The following CDC42BPB variants were observed in gnomAD, a reference collection of about 807,000 sequenced individuals.
The protein encoded by CDC42BPB is serine/threonine-protein kinase MRCK beta.
A neutral mutation model predicts 214.9 loss-of-function variants in CDC42BPB; 37 were observed. The ratio of observed to expected loss-of-function variants is 0.17; its 90% CI spans 0.13 to 0.23. The LOEUF is 0.23. Ranked by LOEUF, CDC42BPB falls within the 10% of genes least tolerant of loss-of-function variation. The pLI is 1.00. For synonymous variants in CDC42BPB, 931 were observed against 884.0 expected (o/e 1.05, Z -0.94); for missense variants, 1,694 against 2,227.0 (o/e 0.76, Z 4.82).
chr14:102,979,765 A>G (rs535340389), intron 8 of CDC42BPB, among the ~76,000 whole-genome samples: 1 of 152,306 alleles, frequency 6.6e-6, no homozygotes, highest in South Asian at 2.1e-4. Flanking sequence ...TCACACATGT[A>G]TGGGTTTGAT....
chr14:102,961,932 G>A (rs962515902), intron 20 of CDC42BPB, among the ~76,000 whole-genome samples: 1 of 152,136 alleles, frequency 6.6e-6, no homozygotes, highest in African/African-American at 2.4e-5. Context: ...ACAAACAAAA[G>A]GCACTAATCC....
chr14:102,954,898 T>C, intron 21 of CDC42BPB: 3 of 731,530 alleles, frequency 4.1e-6, no homozygotes, highest in Non-Finnish European at 5.0e-6. Flanking sequence ...ACCCCTGCAC[T>C]TGGCTTCCTC....
At chr14:103,033,275 G>A (rs8005264) in intron 1 of CDC42BPB, among the ~76,000 whole-genome samples, 33,003 of 152,048 alleles carry the variant, frequency 0.22, 4,506 homozygotes, top group Middle Eastern at 0.32. Flanking sequence ...AGGCTGGAGT[G>A]CAGTGGCGCC....
intron 30 of CDC42BPB, chr14:102,940,583 G>C: frequency 2.1e-6 from 2 of 932,474 alleles, no homozygotes; most frequent in Non-Finnish European, 3.0e-6. Context: ...TACAGATGTT[G>C]AAGGTGACTT....
intron 36 of CDC42BPB, among the ~76,000 whole-genome samples, chr14:102,935,045 G>T (rs1478492536): frequency 6.6e-6 from 1 of 150,472 alleles, no homozygotes; most frequent in Non-Finnish European, 1.5e-5. Flanking sequence ...AAAGAAAAAA[G>T]ATCAGCAACA....
chr14:103,005,286 A>G (rs2139614849), intron 3 of CDC42BPB, among the ~76,000 whole-genome samples: 1 of 152,370 alleles, frequency 6.6e-6, no homozygotes, highest in East Asian at 1.9e-4. Flanking sequence ...TAACAAAAAT[A>G]TAAGTACATT....
At chr14:102,949,090 C>T (rs1375438336) in intron 26 of CDC42BPB, among the ~76,000 whole-genome samples, 2 of 152,202 alleles carry the variant, frequency 1.3e-5, no homozygotes, top group African/African-American at 2.4e-5. Flanking sequence ...GGGCACAGCA[C>T]AGAGATGACA....
Position 103,008,459 on chromosome 14 carries a change from G to A in CDC42BPB, c.351+13C>T, listed in dbSNP as rs779491852. The A allele has an allele frequency of 1.3e-6, 2 of 1,553,856 alleles. No homozygotes were observed. Among genetic ancestry groups the A allele is most frequent in the Non-Finnish European group, 1.8e-6 (2 of 1,125,034 alleles). On this transcript the variant is annotated intron_variant, in intron 3 of 36. Transcript: ENST00000361246. ...AAGCCCCATTTGTATGGCTTTTCAA[G>A]CTCCATACTTACCTCTGCTCTTTTC... is the stretch of plus-strand genomic sequence containing the variant.
intron 25 of CDC42BPB, 192 bp from the exon 26 acceptor site, chr14:102,950,096 G>A (rs1047939864): frequency 8.1e-6 from 8 of 985,242 alleles, no homozygotes; most frequent in Non-Finnish European, 9.6e-6. Flanking sequence ...CGGTGCCAGG[G>A]AAAGCTGGCA....
At chr14:103,031,083 T>A (rs951632813) in intron 1 of CDC42BPB, among the ~76,000 whole-genome samples, 20 of 152,168 alleles carry the variant, frequency 1.3e-4, no homozygotes, top group African/African-American at 4.3e-4. Context: ...GTTACTTTTT[T>A]TTTAATTAAA....
chr14:102,964,626 T>C lies in CDC42BPB; in HGVS notation c.2602A>G (p.Ser868Gly). The stretch of plus-strand genomic sequence containing the variant: ...CGCGCGGACATGTCCAGCTTCTGGC[T>C]GCGGCGCACCTTCCACAGCGGGTCC... ...TLDPLWKVRR[S>G]QKLDMSARLE... The change falls in exon 19 of 37, where the codon AGC becomes GGC. Residue 868 changes from serine (S) to glycine (G), a missense_variant. By Grantham distance (56) the Ser-to-Gly change is moderately conservative. This residue lies in a region of CDC42BPB where 55 missense variants were observed against 95.5 expected (regional missense o/e 0.58). Coordinates refer to ENST00000361246, the MANE Select transcript of CDC42BPB (RefSeq NM_006035.4). 1 of 1,613,484 alleles carries C rather than the reference T, an allele frequency of 6.2e-7. No individual in the cohort carries two copies. Among genetic ancestry groups the C allele is most frequent in the Non-Finnish European group, 8.5e-7 (1 of 1,179,608 alleles).
intron 30 of CDC42BPB, chr14:102,941,364 G>A (rs1299427186): frequency 2.0e-5 from 20 of 985,326 alleles, no homozygotes; most frequent in Non-Finnish European, 2.4e-5. Context: ...TTCTATCACA[G>A]ACTCCAAACA....
chr14:103,050,426 G>C (rs1888535189), intron 1 of CDC42BPB, among the ~76,000 whole-genome samples: 1 of 152,204 alleles, frequency 6.6e-6, no homozygotes, highest in African/African-American at 2.4e-5. Flanking sequence ...CCCAACCTGA[G>C]TGGGGAGTGG....
Position 102,954,235 on chromosome 14 carries a change from A to G in CDC42BPB, c.3029T>C (p.Leu1010Ser). 1 of 1,547,010 alleles carries G rather than the reference A, an allele frequency of 6.5e-7. No individual in the cohort carries two copies. The highest frequency in any genetic ancestry group is 1.4e-5 in the African/African-American group (1 of 72,798). Residue 1010 changes from leucine (L) to serine (S), a missense_variant, in exon 23 of 37, where the codon TTG becomes TCG. Physicochemically the swap from Leu to Ser is moderately radical, Grantham distance 145. Around this residue, in one of 7 missense-constraint regions of CDC42BPB, gnomAD observed 156 missense variants for 154.5 expected, o/e 1.01. Transcript: ENST00000361246. ...CAGAGCCAGGGCCTGCGTGGTGGGC[A>G]ACGGCACAGCGGATGGCCTCTGCGG... ...RPPQRPSAVP[L>S]PTTQALALAG...
At chr14:102,956,992 G>T (rs1224899083) in intron 21 of CDC42BPB, among the ~76,000 whole-genome samples, 1 of 127,038 alleles carries the variant, frequency 7.9e-6, no homozygotes, top group Non-Finnish European at 1.6e-5. Flanking sequence ...CATCCTGGGC[G>T]ACATGGTGAA....
At chr14:102,982,249 C>T (rs916771260) in intron 7 of CDC42BPB, among the ~76,000 whole-genome samples, 7 of 152,092 alleles carry the variant, frequency 4.6e-5, no homozygotes, top group Non-Finnish European at 1.0e-4. Flanking sequence ...TTGGGAAAAA[C>T]GTTTTTTAAA....
intron 1 of CDC42BPB, among the ~76,000 whole-genome samples, chr14:103,026,968 G>A (rs1887091467): frequency 1.3e-5 from 2 of 151,164 alleles, no homozygotes; most frequent in South Asian, 2.1e-4. Context: ...TACACAAAAA[G>A]CTCTCCCAAC....
chr14:102,950,386 T>C (rs984308292), intron 25 of CDC42BPB, 80 bp downstream of exon 25: 1 of 1,560,846 alleles, frequency 6.4e-7, no homozygotes, highest in Non-Finnish European at 8.8e-7. Context: ...AGGGGCTGCT[T>C]TCAAGAGTGG....
Position 103,015,074 on chromosome 14 carries a change from G to A in CDC42BPB, c.176-2886C>T, listed in dbSNP as rs35046202. 2.0e-5 allele frequency among the ~76,000 whole-genome samples: 3 copies of A among 152,052 alleles called. No homozygotes were observed. In the East Asian group the frequency reaches 5.8e-4, roughly 29 times the overall value. On this transcript the variant is annotated intron_variant, in intron 1 of 36. Coordinates refer to ENST00000361246, the MANE Select transcript of CDC42BPB (RefSeq NM_006035.4). ...AGTTGTGTACACATTTCCCTAAAGC[G>A]GGCAGACACAGATGATGGTGGCCAG...
Sources: allele counts gnomAD v4.1 joint callset (sites outside exome capture counted in the v4.1 genomes callset), GRCh38; gene constraint gnomAD v4.1.1; regional missense constraint gnomAD v4.1.1; transcripts MANE v1.5; gene names NCBI Gene and HGNC (gene_info 2026-07-23, HGNC 2026-07-21).